Variants in VAPB observed in about 807,000 individuals in gnomAD.
The protein encoded by VAPB is VAMP associated protein B and C, also known as vesicle-associated membrane protein-associated protein B/C.
A neutral mutation model predicts 25.6 loss-of-function variants in VAPB; 7 were observed. That is an observed-to-expected ratio of 0.27 (90% confidence interval 0.16 to 0.51). The LOEUF is 0.51. Among genes scored for constraint, VAPB ranks in the 20% least tolerant of loss-of-function variants. The probability of loss-of-function intolerance (pLI) is 0.97; values close to 1 mark genes in which losing one functional copy is unlikely to be tolerated. For synonymous variants in VAPB, 112 were observed against 109.2 expected (o/e 1.03, Z -0.16); for missense variants, 266 against 301.3 (o/e 0.88, Z 0.87).
chr20:58,411,926 G>T (rs372848516), intron 1 of VAPB, among the ~76,000 whole-genome samples: 1 of 152,236 alleles, frequency 6.6e-6, no homozygotes, highest in Admixed American at 6.5e-5. Context: ...TGATCCACCC[G>T]CCACAGCCTC....
chr20:58,401,548 A>G (rs1988095767), intron 1 of VAPB, among the ~76,000 whole-genome samples: 1 of 151,672 alleles, frequency 6.6e-6, no homozygotes, highest in African/African-American at 2.4e-5. Flanking sequence ...GACCTCTCTC[A>G]TTGCTCTCTC....
rs759418150 is a variant in VAPB at position 58,448,274 on chromosome 20, C to T, written c.*4039C>T. 13 of 453,928 alleles carry T rather than the reference C, an allele frequency of 2.9e-5. No homozygotes were observed. The highest frequency in any genetic ancestry group is 2.0e-4 in the South Asian group (13 of 64,478). The allele number at this position is 453,928 out of a possible 1,614,324, so 28.1% of individuals were successfully genotyped here. ...GGAACACCAAGAGCAGCTCTGAGAT[C>T]ATGCTGGCCCTACGCGAATTGAGTT... On this transcript the variant is annotated 3_prime_UTR_variant, in exon 6 of 6. Transcript: ENST00000475243.
intron 1 of VAPB, among the ~76,000 whole-genome samples, chr20:58,406,252 T>G (rs1246119960): frequency 6.6e-6 from 1 of 152,178 alleles, no homozygotes; most frequent in Non-Finnish European, 1.5e-5. Flanking sequence ...TAAGGAGTAA[T>G]TTCTTCTGAT....
At chr20:58,399,885 T>G (rs1988055479) in intron 1 of VAPB, among the ~76,000 whole-genome samples, 1 of 152,166 alleles carries the variant, frequency 6.6e-6, no homozygotes, top group Non-Finnish European at 1.5e-5. Context: ...GCTCCAAGTC[T>G]TTCATGTCCT....
At chr20:58,417,784 G>A (rs1393187354) in intron 1 of VAPB, among the ~76,000 whole-genome samples, 1 of 152,168 alleles carries the variant, frequency 6.6e-6, no homozygotes, top group African/African-American at 2.4e-5. Context: ...CGCTCTCCCT[G>A]TTAGATTTCA....
chr20:58,412,870 T>G (rs1228858446), intron 1 of VAPB, among the ~76,000 whole-genome samples: 1 of 152,160 alleles, frequency 6.6e-6, no homozygotes, highest in East Asian at 1.9e-4. Context: ...CATATGTAGA[T>G]CAGGAGACTG....
At position 58,448,472 on chromosome 20, in the gene VAPB, TG is replaced by T. The variant is rs1256444953; in HGVS notation, c.*4243del. 1 of 454,088 alleles carries T rather than the reference TG, an allele frequency of 2.2e-6. No individual in the cohort carries two copies. Among genetic ancestry groups the T allele is most frequent in the Non-Finnish European group, 4.4e-6 (1 of 226,778 alleles). 28.1% of individuals were successfully genotyped at this position (454,088 alleles called of 1,614,324 possible). A position where few individuals can be genotyped will look rare whatever the true frequency, so the allele number is the denominator to read the frequency against. ...TGAACTTAATCCTTGCAACTGTGAC[TG>T]GGGGGTAGATGGCTCTGTTTGCATA... On this transcript the variant is annotated 3_prime_UTR_variant, in exon 6 of 6. Transcript: ENST00000475243.
intron 1 of VAPB, among the ~76,000 whole-genome samples, chr20:58,409,733 A>G (rs756190413): frequency 4.6e-5 from 7 of 152,194 alleles, no homozygotes; most frequent in Non-Finnish European, 1.0e-4. Flanking sequence ...TATATATCAA[A>G]TTGGTATACA....
chr20:58,414,614 A>G (rs1383286738), intron 1 of VAPB, among the ~76,000 whole-genome samples: 48 of 149,540 alleles, frequency 3.2e-4, no homozygotes, highest in East Asian at 2.0e-4. Flanking sequence ...CGCTCCCCAC[A>G]TCTCAGACGA....
Position 58,418,197 on chromosome 20 carries a change from G to C in VAPB, c.59-14G>C. 1 of 1,614,044 alleles carries C rather than the reference G, an allele frequency of 6.2e-7. No individual in the cohort carries two copies. The highest frequency in any genetic ancestry group is 8.5e-7 in the Non-Finnish European group (1 of 1,180,010). On this transcript the variant is annotated splice_polypyrimidine_tract_variant and intron_variant, in intron 1 of 5. Transcript: ENST00000475243. The stretch of plus-strand genomic sequence containing the variant: ...CTCATGAGACCCCCAATCAGTCTCT[G>C]TCTCATTCTACAGGTCCCTTCACCG...
Position 58,418,257 on chromosome 20 carries a change from G to A in VAPB, c.105G>A (p.Pro35=), listed in dbSNP as rs141383583. 73 of 1,614,038 alleles carry A rather than the reference G, an allele frequency of 4.5e-5. No homozygotes were observed. In the African/African-American group the frequency reaches 7.5e-4, roughly 17 times the overall value. ...VVTTNLKLGN[P]TDRNVCFKVK... is the part of the protein sequence containing the mutation. The stretch of plus-strand genomic sequence containing the variant: ...CCACCAACCTAAAGCTTGGCAACCC[G>A]ACAGACCGAAATGTGTGTTTTAAGG... Residue 35 remains proline, a synonymous_variant, in exon 2 of 6, where the codon CCG becomes CCA. Coordinates refer to ENST00000475243, the MANE Select transcript of VAPB (RefSeq NM_004738.5).
rs777972134 is a variant in VAPB at position 58,444,434 on chromosome 20, A to AG, written c.*199_*200insG. Reference sequence around the variant, plus strand: ...TGTAACGATCTTTTAGAAAGTTAAAAATGTATAGTAACTGATTGAGGGGGA... The same window carrying AG: ...TGTAACGATCTTTTAGAAAGTTAAAAGATGTATAGTAACTGATTGAGGGGGA... On this transcript the variant is annotated 3_prime_UTR_variant, in exon 6 of 6. Transcript: ENST00000475243. 2.6e-6 allele frequency: 2 copies of AG among 765,264 alleles called. No individual in the cohort carries two copies. Among genetic ancestry groups the AG allele is most frequent in the Non-Finnish European group, 2.2e-6 (1 of 446,750 alleles). The allele number at this position is 765,264 out of a possible 1,614,324, so 47.4% of individuals were successfully genotyped here. A position where few individuals can be genotyped will look rare whatever the true frequency, so the allele number is the denominator to read the frequency against.
chr20:58,446,523 G>GT lies in VAPB; in HGVS notation c.*2289dup, dbSNP rs1989296976. The stretch of plus-strand genomic sequence containing the variant: ...GTCATGGGATTTGGCTTGTGAGTCT[G>GT]TAACAGTTCTTAAAAAGAATATCTG... On this transcript the variant is annotated 3_prime_UTR_variant, in exon 6 of 6. Coordinates refer to ENST00000475243, the MANE Select transcript of VAPB (RefSeq NM_004738.5). The GT allele has an allele frequency of 2.2e-6, 1 of 453,988 alleles. No homozygotes were observed. Among genetic ancestry groups the GT allele is most frequent in the South Asian group, 1.6e-5 (1 of 64,464 alleles). The allele number at this position is 453,988 out of a possible 1,614,324, so 28.1% of individuals were successfully genotyped here.
intron 2 of VAPB, among the ~76,000 whole-genome samples, chr20:58,423,475 ACAT>A (rs965424602): frequency 1.9e-4 from 29 of 150,196 alleles, no homozygotes; most frequent in Non-Finnish European, 4.1e-4. Context: ...CAGAGCATGA[ACAT>A]CAGCAGCTCT....
At chr20:58,415,346 A>G (rs1988513321) in intron 1 of VAPB, among the ~76,000 whole-genome samples, 1 of 152,250 alleles carries the variant, frequency 6.6e-6, no homozygotes, top group South Asian at 2.1e-4. Context: ...ACTCACACAA[A>G]TGTTCACAGA....
In VAPB at chr20:58,450,089, T is replaced by G. The variant is rs547219805; in HGVS notation, c.*5854T>G. ...CACGTTTCACACGTTGACTTGCCGGTTTTTCCATGTCATACAAAAAAGTCC... is the reference window on the plus strand; with the variant it reads ...CACGTTTCACACGTTGACTTGCCGGGTTTTCCATGTCATACAAAAAAGTCC... On this transcript the variant is annotated 3_prime_UTR_variant, in exon 6 of 6. Transcript: ENST00000475243. The G allele has an allele frequency of 4.4e-6, 2 of 453,996 alleles. No homozygotes were observed. The highest frequency in any genetic ancestry group is 2.0e-5 in the African/African-American group (1 of 50,080). The allele number at this position is 453,996 out of a possible 1,614,324, so 28.1% of individuals were successfully genotyped here.
chr20:58,395,736 G>A (rs1391951859), intron 1 of VAPB, among the ~76,000 whole-genome samples: 1 of 152,176 alleles, frequency 6.6e-6, no homozygotes, highest in East Asian at 1.9e-4. Context: ...CTTTCAGGCT[G>A]TTATCAGCAT....
Position 58,450,752 on chromosome 20 carries a change from G to A in VAPB, c.*6517G>A, listed in dbSNP as rs1462313755. On this transcript the variant is annotated 3_prime_UTR_variant, in exon 6 of 6. Transcript: ENST00000475243. The stretch of plus-strand genomic sequence containing the variant: ...ATGTTAGGAACTGAGTATCTTAAGA[G>A]ATGTCTTAGAATGCTTTAGTTTTCA... The A allele has an allele frequency of 2.2e-6, 1 of 453,900 alleles. No individual in the cohort carries two copies. Among genetic ancestry groups the A allele is most frequent in the Non-Finnish European group, 4.4e-6 (1 of 226,722 alleles). The allele number at this position is 453,900 out of a possible 1,614,324, so 28.1% of individuals were successfully genotyped here.
chr20:58,421,411 C>T (rs1988666444), intron 2 of VAPB, among the ~76,000 whole-genome samples: 1 of 152,050 alleles, frequency 6.6e-6, no homozygotes, highest in Non-Finnish European at 1.5e-5. Flanking sequence ...ATTTATGGAC[C>T]TTTGCTAATT....
Sources: allele counts gnomAD v4.1 joint callset (sites outside exome capture counted in the v4.1 genomes callset), GRCh38; gene constraint gnomAD v4.1.1; transcripts MANE v1.5; gene names NCBI Gene and HGNC (gene_info 2026-07-23, HGNC 2026-07-21).